The following CACNA1E variants were observed in gnomAD, a reference collection of about 807,000 sequenced individuals.
CACNA1E encodes calcium voltage-gated channel subunit alpha1 E.
Under a neutral mutation model 259.2 loss-of-function variants are expected in CACNA1E, and 40 were observed. The ratio of observed to expected loss-of-function variants is 0.15; its 90% CI spans 0.12 to 0.20. The LOEUF (loss-of-function observed/expected upper bound fraction) is 0.20, where lower values mean the gene tolerates loss of function less well. CACNA1E is among the 10% of genes least tolerant of loss of function. The probability of loss-of-function intolerance (pLI) is 1.00; values close to 1 mark genes in which losing one functional copy is unlikely to be tolerated. For missense variants in CACNA1E, 1,874 were observed against 3,040.1 expected, an observed-to-expected ratio of 0.62 and a Z score of 9.02; for synonymous variants, 1,104 against 1,138.5, an observed-to-expected ratio of 0.97 and a Z score of 0.61.
chr1:181,367,756 A>T (rs1400499151), intron 1 of CACNA1E, among the ~76,000 whole-genome samples: 2 of 151,940 alleles, frequency 1.3e-5, no homozygotes, highest in Non-Finnish European at 2.9e-5. Flanking sequence ...ATGGTAAAGT[A>T]GCTTTTATAT....
chr1:181,793,732 C>A lies in CACNA1E; in HGVS notation c.5966C>A (p.Thr1989Asn), dbSNP rs368523919. 69 of 1,611,592 alleles carry A rather than the reference C, an allele frequency of 4.3e-5. No individual in the cohort carries two copies. The highest frequency in any genetic ancestry group is 5.4e-5 in the Non-Finnish European group (64 of 1,179,432). ...CATGGCATCTACCTTCCTTCGGACA[C>A]CCAGGAGCATGCGGGATCTGGGAGG... ...SNHGIYLPSDTQEHAGSGRAS... is the reference protein window; with the variant it reads ...SNHGIYLPSDNQEHAGSGRAS... Residue 1989 changes from threonine to asparagine, a missense_variant, in exon 45 of 48, where the codon ACC becomes AAC. Thr to Asn is a moderately conservative substitution (Grantham distance 65, BLOSUM62 0). Around this residue, in one of 14 missense-constraint regions of CACNA1E, gnomAD observed 542 missense variants for 587.2 expected, o/e 0.92. Transcript: ENST00000367573.
intron 1 of CACNA1E, among the ~76,000 whole-genome samples, chr1:181,402,439 C>A (rs1657165537): frequency 6.6e-6 from 1 of 152,172 alleles, no homozygotes; most frequent in Non-Finnish European, 1.5e-5. Context: ...ACTTCATTCC[C>A]ATCAGGCAAT....
chr1:181,658,809 T>C (rs965763815), intron 7 of CACNA1E, among the ~76,000 whole-genome samples: 1 of 152,208 alleles, frequency 6.6e-6, no homozygotes, highest in African/African-American at 2.4e-5. Flanking sequence ...AGGGGCCTTA[T>C]AGGCTGGGAC....
chr1:181,536,271 G>T (rs927491120), intron 3 of CACNA1E, among the ~76,000 whole-genome samples: 2 of 152,048 alleles, frequency 1.3e-5, no homozygotes, highest in African/African-American at 4.8e-5. Context: ...TTTAAATGAT[G>T]TTGGAATTTC....
intron 41 of CACNA1E, 56 bp downstream of exon 41, chr1:181,784,824 C>T (rs943587860): frequency 2.1e-5 from 23 of 1,075,052 alleles, no homozygotes; most frequent in African/African-American, 4.8e-5. Context: ...GTGAAGACTA[C>T]GTCTTTGGGG....
intron 24 of CACNA1E, 150 bp downstream of exon 24, chr1:181,738,576 C>T (rs2102589833): frequency 2.8e-6 from 2 of 711,624 alleles, no homozygotes; most frequent in African/African-American, 1.8e-5. Context: ...GCCTCAGAAT[C>T]CTGAAGAAAT....
chr1:181,717,437 C>T (rs549744752), intron 11 of CACNA1E, 135 bp downstream of exon 11: 19 of 698,682 alleles, frequency 2.7e-5, no homozygotes, highest in African/African-American at 1.2e-4. Flanking sequence ...GAGGCCACAT[C>T]GTCCTCAAGG....
At chr1:181,406,556 C>G (rs185256319) in intron 1 of CACNA1E, among the ~76,000 whole-genome samples, 1 of 152,114 alleles carries the variant, frequency 6.6e-6, no homozygotes, top group East Asian at 1.9e-4. Flanking sequence ...CCAGCATGCC[C>G]GGTTAATTTT....
At chr1:181,524,375 C>CCA (rs1667203700) in intron 3 of CACNA1E, among the ~76,000 whole-genome samples, 1 of 152,112 alleles carries the variant, frequency 6.6e-6, no homozygotes. Context: ...ACAATGTGAC[C>CCA]CGTACAGAGC....
At chr1:181,381,572 T>C (rs905572907) in intron 1 of CACNA1E, among the ~76,000 whole-genome samples, 2 of 152,180 alleles carry the variant, frequency 1.3e-5, no homozygotes, top group Admixed American at 1.3e-4. Flanking sequence ...AAAATGGCTA[T>C]GTTCGTTATC....
intron 41 of CACNA1E, among the ~76,000 whole-genome samples, chr1:181,785,101 C>G (rs1660743121): frequency 6.6e-6 from 1 of 152,186 alleles, no homozygotes; most frequent in Non-Finnish European, 1.5e-5. Flanking sequence ...GTCACCATCA[C>G]TAGGTGGGCA....
chr1:181,467,274 G>A (rs141011917), intron 2 of CACNA1E, among the ~76,000 whole-genome samples: 1 of 152,318 alleles, frequency 6.6e-6, no homozygotes, highest in African/African-American at 2.4e-5. Flanking sequence ...GAAGCTGAAG[G>A]ATTCAAGCTT....
At chr1:181,420,972 A>G (rs1439975763) in intron 2 of CACNA1E, among the ~76,000 whole-genome samples, 1 of 152,200 alleles carries the variant, frequency 6.6e-6, no homozygotes, top group Admixed American at 6.5e-5. Flanking sequence ...TGGGCACATA[A>G]TAGGCACTCA....
At position 181,720,189 on chromosome 1, in the gene CACNA1E, T is replaced by C. The variant is rs1405674948; in HGVS notation, c.1752-17T>C. 6.2e-7 allele frequency: 1 copy of C among 1,613,660 alleles called. No homozygotes were observed. The highest frequency in any genetic ancestry group is 8.5e-7 in the Non-Finnish European group (1 of 1,179,750). ...GTATGCAGTGTTCACAGCTGTCACA[T>C]TGTCTGGGTTTTGTAGGTATTGGGC... On this transcript the variant is annotated splice_polypyrimidine_tract_variant and intron_variant, in intron 13 of 47. Coordinates refer to ENST00000367573, the MANE Select transcript of CACNA1E (RefSeq NM_001205293.3).
At chr1:181,694,247 G>A (rs1481864261) in intron 7 of CACNA1E, among the ~76,000 whole-genome samples, 2 of 152,222 alleles carry the variant, frequency 1.3e-5, no homozygotes, top group East Asian at 3.9e-4. Context: ...CAGTAAAAGA[G>A]GGAGAAAGCA....
At chr1:181,574,571 A>G (rs1198836495) in intron 3 of CACNA1E, among the ~76,000 whole-genome samples, 1 of 152,186 alleles carries the variant, frequency 6.6e-6, no homozygotes, top group Non-Finnish European at 1.5e-5. Context: ...GGGGGTAGAG[A>G]TGAGTAAAAT....
At chr1:181,385,598 C>A (rs1318282953) in intron 1 of CACNA1E, among the ~76,000 whole-genome samples, 2 of 152,228 alleles carry the variant, frequency 1.3e-5, no homozygotes, top group Non-Finnish European at 2.9e-5. Flanking sequence ...CTGCCATGAA[C>A]TCTCCAGCTA....
chr1:181,378,511 C>A (rs1655248696), intron 1 of CACNA1E, among the ~76,000 whole-genome samples: 1 of 152,170 alleles, frequency 6.6e-6, no homozygotes. Context: ...TTAGAGTTTA[C>A]AGGACAAAGT....
intron 6 of CACNA1E, among the ~76,000 whole-genome samples, chr1:181,594,070 G>A (rs1652926209): frequency 6.6e-6 from 1 of 152,146 alleles, no homozygotes; most frequent in Non-Finnish European, 1.5e-5. Context: ...GAACATCATT[G>A]CGAGCATAGA....
Sources: gnomAD v4.1 joint callset for allele counts (sites outside exome capture counted in the v4.1 genomes callset) on GRCh38, gnomAD v4.1.1 for gene constraint, gnomAD v4.1.1 regional missense constraint, MANE v1.5 for transcripts, NCBI Gene and HGNC (gene_info 2026-07-23, HGNC 2026-07-21) for gene names.